Variants in NCOR2 observed in about 807,000 individuals in gnomAD.
NCOR2 encodes the protein nuclear receptor corepressor 2.
Under a neutral mutation model 262.9 loss-of-function variants are expected in NCOR2, and 81 were observed. That is an observed-to-expected ratio of 0.31 (90% confidence interval 0.26 to 0.37). NCOR2 has a LOEUF of 0.37. NCOR2 is among the 10% of genes least tolerant of loss of function. The probability of loss-of-function intolerance (pLI) is 1.00; values close to 1 mark genes in which losing one functional copy is unlikely to be tolerated. For synonymous variants in NCOR2, 1,659 were observed against 1,559.3 expected (o/e 1.06, Z -1.51); for missense variants, 3,385 against 3,621.4 (o/e 0.93, Z 1.68).
intron 18 of NCOR2, 32 bp from the exon 21 acceptor site, chr12:124,374,495 A>AGGC: frequency 6.2e-7 from 1 of 1,605,350 alleles, no homozygotes; most frequent in Non-Finnish European, 8.5e-7. Context: ...GTTAGAAGTG[A>AGGC]GGCAGCACCA....
chr12:124,515,589 G>A (rs535168234), intron 1 of NCOR2, among the ~76,000 whole-genome samples: 2 of 152,278 alleles, frequency 1.3e-5, no homozygotes, highest in Admixed American at 6.5e-5. Context: ...ATGTGCGCAT[G>A]TATCTGTGTG....
At position 124,432,660 on chromosome 12, in the gene NCOR2, C is replaced by A. The variant is rs2044033668; in HGVS notation, c.883-1873G>T. On this transcript the variant is annotated intron_variant, in intron 8 of 46. Transcript: ENST00000405201. This position sits in a 1 kb window ranked among gnomAD's most constrained non-coding sequence, Gnocchi z 5.1. ...TTCCAAGCAGTTCCTCATTCCCCAG[C>A]CTCACCCCAAGGACCAGCTGTGAGG... 6.6e-6 allele frequency among the ~76,000 whole-genome samples: 1 copy of A among 152,186 alleles called. No individual in the cohort carries two copies. The highest frequency in any genetic ancestry group is 6.5e-5 in the Admixed American group (1 of 15,290).
upstream of NCOR2, among the ~76,000 whole-genome samples, chr12:124,498,154 T>C (rs2048475930): frequency 6.6e-6 from 1 of 152,184 alleles, no homozygotes; most frequent in South Asian, 2.1e-4. Flanking sequence ...AACTTCCAAA[T>C]TGCTATTGGA....
At chr12:124,433,875 C>CACACAAAA (rs1555222686) in intron 8 of NCOR2, among the ~76,000 whole-genome samples, 1 of 96,084 alleles carries the variant, frequency 1.0e-5, no homozygotes, top group African/African-American at 4.8e-5. Context: ...CACACACACA[C>CACACAAAA]ACACACACAC....
rs1402453215 is a variant in NCOR2, at chr12:124,452,892, G to A, written c.763-3025C>T. 7.9e-5 allele frequency among the ~76,000 whole-genome samples: 12 copies of A among 152,316 alleles called. No homozygotes were observed. The East Asian group carries it at 1.7e-3, about 22-fold the overall frequency. On this transcript the variant is annotated intron_variant, in intron 6 of 46. Transcript: ENST00000405201. ...AAGGCCCCGAAGGACTGAGGATACTGTGGGGTGCTGCGGCCTCTAAACAGG... is the reference window on the plus strand; with the variant it reads ...AAGGCCCCGAAGGACTGAGGATACTATGGGGTGCTGCGGCCTCTAAACAGG...
At chr12:124,513,136 A>G (rs929719504) in intron 1 of NCOR2, 1 of 152,380 alleles carries the variant, frequency 6.6e-6, no homozygotes, top group African/African-American at 2.4e-5. Flanking sequence ...CTGCCCACCC[A>G]GCCTCTGACC....
chr12:124,355,081 A>G (rs2037839371), intron 24 of NCOR2, 142 bp from the exon 27 acceptor site: 1 of 702,134 alleles, frequency 1.4e-6, no homozygotes, highest in African/African-American at 1.8e-5. Flanking sequence ...CAGACAAGTC[A>G]CTGCTACTCC....
intron 33 of NCOR2, 48 bp downstream of exon 35, chr12:124,342,957 G>A (rs2036583469): frequency 6.3e-7 from 1 of 1,592,734 alleles, no homozygotes; most frequent in Non-Finnish European, 8.6e-7. Context: ...GAGGTCCGTG[G>A]CCCTGTTCAG....
chr12:124,329,269 C>T, intron 44 of NCOR2: 1 of 396,008 alleles, frequency 2.5e-6, no homozygotes, highest in Non-Finnish European at 5.1e-6. Flanking sequence ...CGAGATCAGC[C>T]TGGCCAATAT....
rs754056578 is a variant in NCOR2, at chr12:124,549,825, A to G, written c.-164-14214T>C. Among the ~76,000 whole-genome samples the G allele has an allele frequency of 1.4e-4, 22 of 152,140 alleles. No homozygotes were observed. The highest frequency in any genetic ancestry group is 2.6e-4 in the Non-Finnish European group (18 of 67,990). On this transcript the variant is annotated intron_variant, in intron 1 of 32. Coordinates refer to the NCOR2 transcript ENST00000458234. The surrounding 1 kb of genome is among the most constrained non-coding windows in gnomAD (Gnocchi z 4.4). ...GAACGGGGCCTTGAGTCACCACCCT[A>G]TCCCACTGGGAAGGCAGGGGTGGAT...
At chr12:124,447,221 G>A (rs2045234516) in intron 7 of NCOR2, among the ~76,000 whole-genome samples, 1 of 152,172 alleles carries the variant, frequency 6.6e-6, no homozygotes. Flanking sequence ...AGCACATCTA[G>A]TTGTTTTAAA....
Position 124,389,620 on chromosome 12 carries a change from A to T in NCOR2, c.1877-3733T>A, listed in dbSNP as rs897618277. Among the ~76,000 whole-genome samples, 1 of 151,246 alleles carries T rather than the reference A, an allele frequency of 6.6e-6. No homozygotes were observed. Among genetic ancestry groups the T allele is most frequent in the Non-Finnish European group, 1.5e-5 (1 of 67,848 alleles). ...TGAGCTCTGCCCCCTGCCTGGCCTG[A>T]TGCTGCCGAGGCTGACCGAGCCCTC... On this transcript the variant is annotated intron_variant, in intron 16 of 46. Transcript: ENST00000405201. The surrounding 1 kb of genome is among the most constrained non-coding windows in gnomAD (Gnocchi z 4.4).
intron 15 of NCOR2, among the ~76,000 whole-genome samples, chr12:124,399,751 G>A (rs10846665): frequency 0.33 from 49,655 of 152,074 alleles, 9,984 homozygotes; most frequent in Non-Finnish European, 0.43. Flanking sequence ...GGGCCCCTGG[G>A]TGGGTTCCCG....
chr12:124,548,078 G>A lies in NCOR2; in HGVS notation c.-164-12467C>T, dbSNP rs1414911270. Among the ~76,000 whole-genome samples the A allele has an allele frequency of 1.3e-5, 2 of 151,718 alleles. No individual in the cohort carries two copies. The highest frequency in any genetic ancestry group is 2.4e-5 in the African/African-American group (1 of 41,276). On this transcript the variant is annotated intron_variant, in intron 1 of 32. Transcript: ENST00000458234. This position sits in a 1 kb window ranked among gnomAD's most constrained non-coding sequence, Gnocchi z 5.1. The stretch of plus-strand genomic sequence containing the variant: ...CCAGCTGGTGGGAGAGAGGGGCCTG[G>A]GGTGCCCCAGGCCGGGCAGGTCCCC...
chr12:124,480,309 C>T lies in NCOR2; in HGVS notation c.411+3287G>A, dbSNP rs140092839. 9.5e-3 allele frequency among the ~76,000 whole-genome samples: 1,449 copies of T among 152,282 alleles called. 14 individuals are homozygous for T. The highest frequency in any genetic ancestry group is 0.025 in the African/African-American group (1,039 of 41,560). Reference sequence around the variant, plus strand: ...GGGGCCCGTGTCACAGCTGGCCGGGCACCAGGCTACAACAAGGATTAGGAT... The same window carrying T: ...GGGGCCCGTGTCACAGCTGGCCGGGTACCAGGCTACAACAAGGATTAGGAT... On this transcript the variant is annotated intron_variant, in intron 3 of 46. Coordinates refer to ENST00000405201, the Ensembl canonical transcript of NCOR2.
At chr12:124,399,847 A>C (rs901682762) in intron 15 of NCOR2, among the ~76,000 whole-genome samples, 1 of 152,172 alleles carries the variant, frequency 6.6e-6, no homozygotes, top group African/African-American at 2.4e-5. Context: ...AATCTTGGGA[A>C]CTGCCACTCA....
At chr12:124,437,549 T>C (rs2044420428) in intron 8 of NCOR2, among the ~76,000 whole-genome samples, 2 of 152,206 alleles carry the variant, frequency 1.3e-5, no homozygotes, top group Non-Finnish European at 2.9e-5. Flanking sequence ...AGGGTGCGCC[T>C]GCGGCCCCTG....
chr12:124,334,808 G>T (rs75823621), intron 40 of NCOR2, 191 bp from the exon 43 acceptor site: 22 of 595,112 alleles, frequency 3.7e-5, no homozygotes, highest in Non-Finnish European at 6.2e-5. Context: ...TGTGGTCAGC[G>T]GTCCCAAGCT....
intron 1 of NCOR2, chr12:124,556,414 C>G (rs1021874495): frequency 1.3e-5 from 2 of 152,310 alleles, no homozygotes; most frequent in African/African-American, 4.8e-5. Context: ...GAACCTGGGA[C>G]ACAGACAGAC....
Sources: allele counts gnomAD v4.1 joint callset (sites outside exome capture counted in the v4.1 genomes callset), GRCh38; gene constraint gnomAD v4.1.1; non-coding constraint Gnocchi (gnomAD v3.1); transcripts MANE v1.5; gene names NCBI Gene and HGNC (gene_info 2026-07-23, HGNC 2026-07-21).